Variants in VAC14 observed in about 807,000 individuals in gnomAD.
VAC14 encodes VAC14 component of PIKFYVE complex, also known as protein VAC14 homolog.
Under a neutral mutation model 85.3 loss-of-function variants are expected in VAC14, and 47 were observed. That is an observed-to-expected ratio of 0.55 (90% CI 0.44 to 0.70). The LOEUF (loss-of-function observed/expected upper bound fraction) is 0.70, where lower values mean the gene tolerates loss of function less well. VAC14 is among the 30% of genes least tolerant of loss of function. The pLI is 0.00. For missense variants in VAC14, 861 were observed against 1,004.3 expected (o/e 0.86, Z 1.93); for synonymous variants, 447 against 430.5 (o/e 1.04, Z -0.47).
At chr16:70,744,851 G>A (rs920455837) in intron 12 of VAC14, among the ~76,000 whole-genome samples, 1 of 152,192 alleles carries the variant, frequency 6.6e-6, no homozygotes, top group Non-Finnish European at 1.5e-5. Context: ...GCTTCCCCAC[G>A]ATCCCTCTCT....
intron 13 of VAC14, among the ~76,000 whole-genome samples, chr16:70,737,599 G>A (rs2054800414): frequency 6.6e-6 from 1 of 152,208 alleles, no homozygotes; most frequent in South Asian, 2.1e-4. Context: ...GTGACCGGCG[G>A]CTGGCCAGGG....
rs528007195 is a variant in VAC14, at chr16:70,708,946, C to T, written c.1662-10135G>A. ...TGCAAATGAAAACAAAGGGACTGGT[C>T]ACTAAAGGAAATCCTGTTGTCTCCA... is the stretch of plus-strand genomic sequence containing the variant. On this transcript the variant is annotated intron_variant, in intron 14 of 18. Transcript: ENST00000261776. Among the ~76,000 whole-genome samples the T allele has an allele frequency of 4.6e-5, 7 of 152,314 alleles. No individual in the cohort carries two copies. In the East Asian group the frequency reaches 1.3e-3, roughly 29 times the overall value.
chr16:70,693,735 C>T (rs1055088479), intron 17 of VAC14, among the ~76,000 whole-genome samples: 3 of 152,252 alleles, frequency 2.0e-5, no homozygotes, highest in African/African-American at 4.8e-5. Context: ...TTTTCTTCTG[C>T]GAGCCTCTCC....
At chr16:70,785,955 C>T (rs2034035514) in intron 2 of VAC14, 86 bp from the exon 3 acceptor site, 2 of 1,456,346 alleles carry the variant, frequency 1.4e-6, no homozygotes, top group Admixed American at 2.2e-5. Flanking sequence ...CATCCCAGCT[C>T]CCTTGAAGGT....
chr16:70,696,668 C>A (rs1040487741), intron 16 of VAC14, among the ~76,000 whole-genome samples: 1 of 152,218 alleles, frequency 6.6e-6, no homozygotes, highest in Non-Finnish European at 1.5e-5. Context: ...CCCCGAAGGC[C>A]CACGCCTGGG....
intron 14 of VAC14, among the ~76,000 whole-genome samples, chr16:70,726,157 T>C (rs1330855023): frequency 6.6e-6 from 1 of 152,234 alleles, no homozygotes; most frequent in Non-Finnish European, 1.5e-5. Context: ...CTCTCCTTTC[T>C]ACTGAGGATA....
chr16:70,791,707 T>A (rs531030972), intron 1 of VAC14, among the ~76,000 whole-genome samples: 1 of 152,278 alleles, frequency 6.6e-6, no homozygotes, highest in Admixed American at 6.5e-5. Context: ...CTTGATAAAG[T>A]CCTTGAGGAC....
chr16:70,734,060 G>C (rs2054675277), intron 13 of VAC14, among the ~76,000 whole-genome samples: 1 of 152,112 alleles, frequency 6.6e-6, no homozygotes, highest in African/African-American at 2.4e-5. Flanking sequence ...CTGATCTCGT[G>C]ATCTGCCTGC....
chr16:70,694,421 G>C (rs941736885), intron 17 of VAC14, among the ~76,000 whole-genome samples: 16 of 152,324 alleles, frequency 1.1e-4, no homozygotes, highest in African/African-American at 3.8e-4. Context: ...GCGGAGAGCA[G>C]GGTCTCCCCC....
intron 2 of VAC14, 57 bp downstream of exon 2, chr16:70,786,158 G>C (rs75816871): frequency 1.1e-5 from 17 of 1,587,710 alleles, no homozygotes; most frequent in Non-Finnish European, 1.5e-5. Context: ...CATCGGGATG[G>C]CTTGGTCAGC....
intron 18 of VAC14, chr16:70,690,379 C>T: frequency 1.0e-6 from 1 of 985,684 alleles, no homozygotes. Context: ...CCATAACCAC[C>T]CTCGGGCACC....
At chr16:70,757,715 A>T (rs148424797) in intron 12 of VAC14, among the ~76,000 whole-genome samples, 1 of 152,286 alleles carries the variant, frequency 6.6e-6, no homozygotes, top group African/African-American at 2.4e-5. Context: ...CCTGATCTCA[A>T]TGTGCATCTC....
intron 18 of VAC14, chr16:70,690,625 T>G (rs1434430681): frequency 2.0e-5 from 20 of 984,260 alleles, no homozygotes; most frequent in Non-Finnish European, 2.4e-5. Flanking sequence ...GGGCGAGGAG[T>G]GTACAAAACT....
At chr16:70,689,636 T>C in intron 18 of VAC14, 1 of 985,674 alleles carries the variant, frequency 1.0e-6, no homozygotes, top group Non-Finnish European at 1.2e-6. Flanking sequence ...CCAGAAAACA[T>C]CTTGGACATG....
At chr16:70,789,997 T>G (rs140799271) in intron 1 of VAC14, among the ~76,000 whole-genome samples, 1 of 152,230 alleles carries the variant, frequency 6.6e-6, no homozygotes, top group East Asian at 1.9e-4. Flanking sequence ...TCACAAACAT[T>G]CCCCGAGCAA....
At chr16:70,738,512 A>C (rs2029930217) in intron 13 of VAC14, among the ~76,000 whole-genome samples, 1 of 151,920 alleles carries the variant, frequency 6.6e-6, no homozygotes, top group Non-Finnish European at 1.5e-5. Flanking sequence ...ACCGGGAAAG[A>C]GCTATTGCTG....
chr16:70,728,842 C>T (rs914564563), intron 14 of VAC14, among the ~76,000 whole-genome samples: 3 of 152,220 alleles, frequency 2.0e-5, no homozygotes, highest in African/African-American at 7.2e-5. Flanking sequence ...ATCATGAGTA[C>T]TGATGCCTCT....
chr16:70,702,643 G>C (rs976774113), intron 14 of VAC14, among the ~76,000 whole-genome samples: 1 of 152,226 alleles, frequency 6.6e-6, no homozygotes, highest in Non-Finnish European at 1.5e-5. Context: ...AGATCACTGC[G>C]TTGCAAAGCC....
At chr16:70,696,124 A>G (rs1002008251) in intron 16 of VAC14, among the ~76,000 whole-genome samples, 1 of 151,514 alleles carries the variant, frequency 6.6e-6, no homozygotes, top group Admixed American at 6.6e-5. Flanking sequence ...CTTACTCCCA[A>G]CTCCTGGCTG....
Sources: allele counts gnomAD v4.1 joint callset (sites outside exome capture counted in the v4.1 genomes callset), GRCh38; gene constraint gnomAD v4.1.1; transcripts MANE v1.5; gene names NCBI Gene and HGNC (gene_info 2026-07-23, HGNC 2026-07-21).